MGAM2: variants seen among roughly 807,000 people sequenced by gnomAD.
MGAM2 encodes the protein probable maltase-glucoamylase 2.
MGAM2 carries 98 observed loss-of-function variants against 96.1 expected under a neutral mutation model. That is an observed-to-expected ratio of 1.02 (90% confidence interval 0.87 to 1.21). MGAM2 has a LOEUF of 1.21. Ranked by LOEUF, MGAM2 falls within the 50% of genes most tolerant of loss-of-function variation. The pLI is 0.00. For missense variants in MGAM2, 2,055 were observed against 1,182.4 expected (o/e 1.74, Z -10.82); for synonymous variants, 749 against 414.8 (o/e 1.81, Z -9.79).
intron 45 of MGAM2, among the ~76,000 whole-genome samples, chr7:142,204,058 C>A (rs1797322862): frequency 6.6e-6 from 1 of 151,884 alleles, no homozygotes; most frequent in South Asian, 2.1e-4. Flanking sequence ...GAATATTTGT[C>A]ATCTCTTTTT....
chr7:142,150,355 G>T (rs954875296), intron 15 of MGAM2, among the ~76,000 whole-genome samples: 12 of 152,128 alleles, frequency 7.9e-5, no homozygotes, highest in African/African-American at 2.7e-4. Context: ...CATACGATCA[G>T]TCCTTGATCC....
chr7:142,123,171 C>CT (rs202230778), intron 3 of MGAM2, among the ~76,000 whole-genome samples: 4,376 of 144,864 alleles, frequency 0.03, 100 homozygotes, highest in African/African-American at 0.06. Context: ...TAGTTATATT[C>CT]TTTTTTTTTT....
intron 45 of MGAM2, chr7:142,208,359 C>T (rs1483845879): frequency 6.2e-6 from 4 of 650,230 alleles, no homozygotes; most frequent in African/African-American, 1.8e-5. Flanking sequence ...ACCTTCTGAC[C>T]TCCCCGGCAA....
intron 14 of MGAM2, among the ~76,000 whole-genome samples, chr7:142,146,058 G>A (rs1203774780): frequency 6.7e-6 from 1 of 150,234 alleles, no homozygotes; most frequent in African/African-American, 2.5e-5. Context: ...AACATCTACT[G>A]TTTGCTTTTT....
At chr7:142,184,443 C>T (rs1043290011) in intron 33 of MGAM2, among the ~76,000 whole-genome samples, 8 of 152,178 alleles carry the variant, frequency 5.3e-5, no homozygotes, top group Admixed American at 2.6e-4. Flanking sequence ...CATTTATGTA[C>T]TATCTGTGAA....
intron 15 of MGAM2, among the ~76,000 whole-genome samples, chr7:142,149,827 C>T (rs956643653): frequency 1.3e-5 from 2 of 152,190 alleles, no homozygotes; most frequent in Non-Finnish European, 2.9e-5. Context: ...AGGCGTGAGC[C>T]ACCGCGCCCG....
intron 3 of MGAM2, among the ~76,000 whole-genome samples, chr7:142,126,793 C>T (rs1277701079): frequency 6.6e-6 from 1 of 151,898 alleles, no homozygotes; most frequent in African/African-American, 2.4e-5. Flanking sequence ...CCAAAGAAAC[C>T]CTTAGATTGA....
At chr7:142,120,253 C>T in intron 2 of MGAM2, 49 bp from the exon 3 acceptor site, 1 of 697,758 alleles carries the variant, frequency 1.4e-6, no homozygotes, top group South Asian at 1.5e-5. Context: ...CTTCCTGGAG[C>T]TGTGATTACA....
intron 33 of MGAM2, 29 bp downstream of exon 33, chr7:142,183,402 A>G: frequency 2.9e-6 from 2 of 698,564 alleles, no homozygotes; most frequent in Non-Finnish European, 5.2e-6. Context: ...GCTTACAGTT[A>G]ATTAACATTA....
chr7:142,115,111 GGAAGCT>G (rs1189685297), intron 1 of MGAM2, among the ~76,000 whole-genome samples: 1 of 152,186 alleles, frequency 6.6e-6, no homozygotes, highest in African/African-American at 2.4e-5. Flanking sequence ...CAGCTACTCA[GGAAGCT>G]GAGGCAGGAT....
chr7:142,165,169 C>A (rs976084019), intron 24 of MGAM2, 146 bp downstream of exon 24: 1 of 505,992 alleles, frequency 2.0e-6, no homozygotes, highest in East Asian at 3.2e-5. Context: ...GCAGGAGAAA[C>A]GTGTGCATGC....
chr7:142,137,397 A>G (rs562473277), intron 8 of MGAM2, 36 bp from the exon 9 acceptor site: 12 of 674,976 alleles, frequency 1.8e-5, no homozygotes, highest in East Asian at 2.7e-5. Context: ...ACTTCCAACC[A>G]TAAGATTCTA....
chr7:142,208,390 C>T (rs1797475050), intron 45 of MGAM2, 183 bp from the exon 46 acceptor site: 1 of 657,354 alleles, frequency 1.5e-6, no homozygotes, highest in African/African-American at 1.8e-5. Context: ...TGCATTTGCA[C>T]ATCCCCACAC....
At chr7:142,168,779 ATAT>A (rs1796106263) in intron 26 of MGAM2, among the ~76,000 whole-genome samples, 1 of 152,212 alleles carries the variant, frequency 6.6e-6, no homozygotes, top group Non-Finnish European at 1.5e-5. Flanking sequence ...ATGCGCTAAA[ATAT>A]TATCATTTCA....
rs550719776 is a variant in MGAM2, at chr7:142,154,068, C to T, written c.1685C>T (p.Ser562Phe). ...AATAGGAGCTTCATCTTATCCCGTTCTACTTTTGCTGGATCTGGCAAATTT... is the reference window on the plus strand; with the variant it reads ...AATAGGAGCTTCATCTTATCCCGTTTTACTTTTGCTGGATCTGGCAAATTT... The part of the protein sequence containing the change: ...MNNRSFILSR[S>F]TFAGSGKFAA... The change falls in exon 16 of 48, where the codon TCT becomes TTT. Residue 562 changes from serine (S) to phenylalanine (F), a missense_variant. Physicochemically the swap from Ser to Phe is radical, Grantham distance 155. Transcript: ENST00000477922. 1.4e-6 allele frequency: 1 copy of T among 695,564 alleles called. No homozygotes were observed. Among genetic ancestry groups the T allele is most frequent in the African/African-American group, 1.7e-5 (1 of 57,288 alleles). The allele number at this position is 695,564 out of a possible 1,614,324, so 43.1% of individuals were successfully genotyped here. A position where few individuals can be genotyped will look rare whatever the true frequency, so the allele number is the denominator to read the frequency against.
intron 32 of MGAM2, 132 bp from the exon 33 acceptor site, chr7:142,183,129 TTTTTA>T (rs58189374): frequency 0.11 from 62,746 of 589,106 alleles, 3,748 homozygotes; most frequent in African/African-American, 0.15. Context: ...TTATCAATGA[TTTTTA>T]TTTTATTTCA....
chr7:142,197,337 T>C, intron 40 of MGAM2, 63 bp from the exon 41 acceptor site: 1 of 680,814 alleles, frequency 1.5e-6, no homozygotes, highest in Non-Finnish European at 2.7e-6. Context: ...TTGATTCTTT[T>C]CTGATGCCAC....
intron 3 of MGAM2, among the ~76,000 whole-genome samples, chr7:142,121,728 A>G (rs936592245): frequency 6.6e-6 from 1 of 150,732 alleles, no homozygotes; most frequent in African/African-American, 2.4e-5. Flanking sequence ...TTATTATATA[A>G]TTGATCAAGT....
chr7:142,119,303 A>C (rs1794481751), intron 2 of MGAM2, among the ~76,000 whole-genome samples: 1 of 152,228 alleles, frequency 6.6e-6, no homozygotes, highest in Non-Finnish European at 1.5e-5. Flanking sequence ...ATAAATGGCC[A>C]CTAAACCCAT....
Sources: gnomAD v4.1 joint callset for allele counts (sites outside exome capture counted in the v4.1 genomes callset) on GRCh38, gnomAD v4.1.1 for gene constraint, MANE v1.5 for transcripts, NCBI Gene and HGNC (gene_info 2026-07-23, HGNC 2026-07-21) for gene names.